The following ITPK1 variants were observed in gnomAD, a reference collection of about 807,000 sequenced individuals.
ITPK1 encodes inositol-tetrakisphosphate 1-kinase.
ITPK1 carries 21 observed loss-of-function variants against 45.3 expected under a neutral mutation model. The ratio of observed to expected loss-of-function variants is 0.46; its 90% confidence interval spans 0.33 to 0.67. The LOEUF is 0.67. Ranked by LOEUF, ITPK1 falls within the 30% of genes least tolerant of loss-of-function variation. ITPK1 has a pLI of 0.02. For synonymous variants in ITPK1, 258 were observed against 253.6 expected (o/e 1.02, Z -0.16); for missense variants, 474 against 573.5 (o/e 0.83, Z 1.77).
chr14:93,067,225 C>T (rs750151084), intron 3 of ITPK1, among the ~76,000 whole-genome samples: 4 of 152,128 alleles, frequency 2.6e-5, no homozygotes, highest in South Asian at 4.1e-4. Context: ...ACTGAGGCCA[C>T]GGAATTCTTG....
At chr14:92,980,022 C>A (rs1226203616) in intron 5 of ITPK1, among the ~76,000 whole-genome samples, 1 of 152,080 alleles carries the variant, frequency 6.6e-6, no homozygotes. Flanking sequence ...GTCAAACGAT[C>A]CACCCGCCTC....
chr14:93,088,946 C>T (rs1891762749), intron 2 of ITPK1, among the ~76,000 whole-genome samples: 1 of 152,216 alleles, frequency 6.6e-6, no homozygotes, highest in African/African-American at 2.4e-5. Context: ...CCGCTCTCCC[C>T]AAATCTGTCA....
intron 3 of ITPK1, among the ~76,000 whole-genome samples, chr14:93,040,088 A>G (rs1188161761): frequency 1.3e-5 from 2 of 152,200 alleles, no homozygotes; most frequent in African/African-American, 4.8e-5. Context: ...TAATTCAGCC[A>G]ATGTTTTGTT....
chr14:93,037,878 G>A (rs145399092), intron 3 of ITPK1, among the ~76,000 whole-genome samples: 24 of 152,122 alleles, frequency 1.6e-4, no homozygotes, highest in African/African-American at 4.6e-4. Context: ...ATTTACTCAG[G>A]GATCGAAAAA....
intron 3 of ITPK1, among the ~76,000 whole-genome samples, chr14:93,021,028 A>G (rs567110635): frequency 1.3e-5 from 2 of 152,114 alleles, no homozygotes; most frequent in Admixed American, 6.5e-5. Flanking sequence ...ACACTCAATA[A>G]ATGTCAGCTA....
rs933504779 is a variant in ITPK1, at chr14:93,012,600, C to T, written c.246+4076G>A. Among the ~76,000 whole-genome samples, 4 of 152,154 alleles carry T rather than the reference C, an allele frequency of 2.6e-5. No homozygotes were observed. The highest frequency in any genetic ancestry group is 7.2e-5 in the African/African-American group (3 of 41,436). On this transcript the variant is annotated intron_variant, in intron 4 of 10. Coordinates refer to ENST00000267615, the MANE Select transcript of ITPK1 (RefSeq NM_014216.6). The surrounding 1 kb of genome is among the most constrained non-coding windows in gnomAD (Gnocchi z 4.9). ...TTTCCTAACTCATCACTTTAGGGGC[C>T]GTGAGGTCAGTTCTGGGTCTGCCTG...
intron 4 of ITPK1, among the ~76,000 whole-genome samples, chr14:93,015,727 C>G (rs1160971219): frequency 1.3e-5 from 2 of 152,202 alleles, no homozygotes; most frequent in Non-Finnish European, 2.9e-5. Context: ...GAATGTGCAG[C>G]AGGGAGTTGG....
intron 2 of ITPK1, among the ~76,000 whole-genome samples, chr14:93,085,707 T>TTCAGA (rs1420070194): frequency 6.6e-6 from 1 of 152,224 alleles, no homozygotes; most frequent in Non-Finnish European, 1.5e-5. Context: ...GGGCCACCAC[T>TTCAGA]TCAGATCAGG....
intron 2 of ITPK1, among the ~76,000 whole-genome samples, chr14:93,098,199 G>C (rs1367078638): frequency 6.6e-6 from 1 of 151,832 alleles, no homozygotes; most frequent in African/African-American, 2.4e-5. Context: ...GTTCATGCCT[G>C]TAATCCCAGC....
intron 2 of ITPK1, among the ~76,000 whole-genome samples, chr14:93,077,103 G>C (rs545239720): frequency 6.6e-6 from 1 of 152,092 alleles, no homozygotes; most frequent in Non-Finnish European, 1.5e-5. Flanking sequence ...AGTCCTGCCC[G>C]CTGCCTTCCC....
chr14:93,076,349 G>A lies in ITPK1; in HGVS notation c.120+246C>T, dbSNP rs1891218069. Among the ~76,000 whole-genome samples, 1 of 151,730 alleles carries A rather than the reference G, an allele frequency of 6.6e-6. No homozygotes were observed. The highest frequency in any genetic ancestry group is 2.4e-5 in the African/African-American group (1 of 41,232). On this transcript the variant is annotated intron_variant, in intron 3 of 10. Coordinates refer to ENST00000267615, the MANE Select transcript of ITPK1 (RefSeq NM_014216.6). This position sits in a 1 kb window ranked among gnomAD's most constrained non-coding sequence, Gnocchi z 4.3. Reference sequence around the variant, plus strand: ...CCACTGCCATGCACACCCCCCTCAGGACTCCCAAACCAACCCTCTCCCCAC... The same window carrying A: ...CCACTGCCATGCACACCCCCCTCAGAACTCCCAAACCAACCCTCTCCCCAC...
Position 92,952,115 on chromosome 14 carries a change from C to T in ITPK1, c.671-102G>A, listed in dbSNP as rs565061102. On this transcript the variant is annotated intron_variant, in intron 8 of 10. Coordinates refer to ENST00000267615, the MANE Select transcript of ITPK1 (RefSeq NM_014216.6). Reference sequence around the variant, plus strand: ...GCAGCATCACCCCAGGCACACAACACGTGGCCCCCGGCTCTGCAGAGCCCT... The same window carrying T: ...GCAGCATCACCCCAGGCACACAACATGTGGCCCCCGGCTCTGCAGAGCCCT... 17 of 924,122 alleles carry T rather than the reference C, an allele frequency of 1.8e-5. No homozygotes were observed. In the East Asian group the frequency reaches 3.2e-4, roughly 17 times the overall value. The allele number at this position is 924,122 out of a possible 1,614,324, so 57.2% of individuals were successfully genotyped here.
chr14:93,064,753 G>T (rs1441789513), intron 3 of ITPK1, among the ~76,000 whole-genome samples: 2 of 152,202 alleles, frequency 1.3e-5, no homozygotes, highest in African/African-American at 4.8e-5. Flanking sequence ...GGGCAATCAG[G>T]TCCCTGAAAG....
intron 4 of ITPK1, among the ~76,000 whole-genome samples, chr14:93,007,200 CT>C (rs1177408341): frequency 6.6e-6 from 1 of 152,250 alleles, no homozygotes; most frequent in Non-Finnish European, 1.5e-5. Context: ...CCCACGCCCC[CT>C]AAGCACCTGT....
intron 8 of ITPK1, among the ~76,000 whole-genome samples, chr14:92,952,459 C>T (rs1888002483): frequency 6.6e-6 from 1 of 152,132 alleles, no homozygotes; most frequent in Non-Finnish European, 1.5e-5. Context: ...GGGGAACATG[C>T]TAGAGACATA....
At chr14:93,100,554 G>C (rs1209473037) in intron 2 of ITPK1, among the ~76,000 whole-genome samples, 1 of 147,088 alleles carries the variant, frequency 6.8e-6, no homozygotes, top group African/African-American at 2.4e-5. Context: ...GAGAGAGAGA[G>C]AGACAGAGAG....
At chr14:93,079,259 C>T (rs771432868) in intron 2 of ITPK1, among the ~76,000 whole-genome samples, 12 of 152,194 alleles carry the variant, frequency 7.9e-5, no homozygotes, top group Non-Finnish European at 1.6e-4. Flanking sequence ...ACAGCAGTTC[C>T]TCTGTCGCTC....
chr14:93,054,389 C>T (rs1039867778), intron 3 of ITPK1, among the ~76,000 whole-genome samples: 1 of 152,232 alleles, frequency 6.6e-6, no homozygotes, highest in African/African-American at 2.4e-5. Context: ...CCAGTACCAC[C>T]TCTCTGGCTT....
chr14:92,965,917 C>T (rs1298988651), intron 5 of ITPK1, among the ~76,000 whole-genome samples: 1 of 152,180 alleles, frequency 6.6e-6, no homozygotes, highest in Non-Finnish European at 1.5e-5. Flanking sequence ...GCAGGAGAAT[C>T]GCTTGAATGC....
Sources: allele counts gnomAD v4.1 joint callset (sites outside exome capture counted in the v4.1 genomes callset), GRCh38; gene constraint gnomAD v4.1.1; non-coding constraint Gnocchi (gnomAD v3.1); transcripts MANE v1.5; gene names NCBI Gene and HGNC (gene_info 2026-07-23, HGNC 2026-07-21).